ZNF516: variants seen among roughly 807,000 people sequenced by gnomAD.
ZNF516 encodes the protein zinc finger protein 516.
In ZNF516, 19 loss-of-function variants were observed where a neutral mutation model predicts 79.7. The ratio of observed to expected loss-of-function variants is 0.24; its 90% CI spans 0.17 to 0.35. The LOEUF (loss-of-function observed/expected upper bound fraction) is 0.35. Among genes scored for constraint, ZNF516 ranks in the 10% least tolerant of loss-of-function variants. The probability of loss-of-function intolerance (pLI) is 1.00; values close to 1 mark genes in which losing one functional copy is unlikely to be tolerated. For missense variants in ZNF516, 1,678 were observed against 1,679.5 expected (o/e 1.00, Z 0.02); for synonymous variants, 877 against 739.5 (o/e 1.19, Z -3.02).
At chr18:76,465,228 G>A (rs1913387041) in intron 1 of ZNF516, among the ~76,000 whole-genome samples, 1 of 152,236 alleles carries the variant, frequency 6.6e-6, no homozygotes, top group Admixed American at 6.5e-5. Context: ...CACAGGGGTT[G>A]AGACCAAGGT....
intron 3 of ZNF516, among the ~76,000 whole-genome samples, chr18:76,400,011 C>G (rs670560): frequency 1 from 151,661 of 152,328 alleles, 75,502 homozygotes; most frequent in Middle Eastern, 1. Flanking sequence ...GATGAGCAGA[C>G]CATCACCGCA....
At chr18:76,405,897 A>G (rs2075298260) in intron 3 of ZNF516, among the ~76,000 whole-genome samples, 1 of 151,788 alleles carries the variant, frequency 6.6e-6, no homozygotes, top group Non-Finnish European at 1.5e-5. Context: ...GTCCATGCCA[A>G]CCCCATCCGT....
chr18:76,456,841 A>G (rs1241925385), intron 2 of ZNF516, among the ~76,000 whole-genome samples: 4 of 152,236 alleles, frequency 2.6e-5, no homozygotes, highest in African/African-American at 9.6e-5. Context: ...ATGCAAACAT[A>G]TAATACTGCT....
chr18:76,450,353 C>A lies in ZNF516; in HGVS notation c.-157-7142G>T, dbSNP rs536830172. ...TATCTGCCCCTCCCCCTCCCCCACT[C>A]CCCACCCTCCCCAGGCCCCACAGAA... On this transcript the variant is annotated intron_variant, in intron 2 of 6. Coordinates refer to ENST00000443185, the MANE Select transcript of ZNF516 (RefSeq NM_014643.4). Among the ~76,000 whole-genome samples the A allele has an allele frequency of 3.5e-3, 491 of 141,776 alleles. 2 individuals carry two copies. Among genetic ancestry groups the A allele is most frequent in the Non-Finnish European group, 5.7e-3 (369 of 64,532 alleles). 93.0% of individuals were successfully genotyped at this position (141,776 alleles called of 152,430 possible). A position where few individuals can be genotyped will look rare whatever the true frequency, so the allele number is the denominator to read the frequency against.
intron 3 of ZNF516, chr18:76,389,291 A>AG (rs2075036668): frequency 6.6e-6 from 1 of 152,158 alleles, no homozygotes; most frequent in African/African-American, 2.4e-5. Flanking sequence ...CAAAAAAAAA[A>AG]AAAAAATCTC....
rs1913515273 is a variant in ZNF516, at chr18:76,467,010, G to C, written c.-271-3869C>G. 6.6e-6 allele frequency among the ~76,000 whole-genome samples: 1 copy of C among 152,162 alleles called. No homozygotes were observed. The highest frequency in any genetic ancestry group is 6.5e-5 in the Admixed American group (1 of 15,282). Reference sequence around the variant, plus strand: ...GCAAAGGGCCCTGGGAGGCAGGGGGGCCCCAGAGAGGCAAAACCCAGGAGA... The same window carrying C: ...GCAAAGGGCCCTGGGAGGCAGGGGGCCCCCAGAGAGGCAAAACCCAGGAGA... On this transcript the variant is annotated intron_variant, in intron 1 of 6. Transcript: ENST00000443185. This position sits in a 1 kb window ranked among gnomAD's most constrained non-coding sequence, Gnocchi z 4.2.
chr18:76,484,866 T>C (rs1428563569), intron 1 of ZNF516, among the ~76,000 whole-genome samples: 3 of 152,236 alleles, frequency 2.0e-5, no homozygotes, highest in Non-Finnish European at 4.4e-5. Context: ...AGAAAATAAC[T>C]GATAAGCCAA....
intron 3 of ZNF516, among the ~76,000 whole-genome samples, chr18:76,421,979 T>G (rs2145381192): frequency 6.6e-6 from 1 of 152,346 alleles, no homozygotes; most frequent in East Asian, 1.9e-4. Flanking sequence ...TGTTTTTTGT[T>G]TTTAATCTTA....
At chr18:76,472,060 C>G (rs1329315576) in intron 1 of ZNF516, among the ~76,000 whole-genome samples, 1 of 152,200 alleles carries the variant, frequency 6.6e-6, no homozygotes, top group African/African-American at 2.4e-5. Flanking sequence ...TTCTCAGTCA[C>G]AAATCTAGCC....
In ZNF516 at chr18:76,403,322, C is replaced by T. The variant is rs117984246; in HGVS notation, c.1811-23019G>A. ...CATACACATGCAGTCAGATGAGAAGCCACACACACAGGCACGCTGCAACGC... is the reference window on the plus strand; with the variant it reads ...CATACACATGCAGTCAGATGAGAAGTCACACACACAGGCACGCTGCAACGC... On this transcript the variant is annotated intron_variant, in intron 3 of 6. Coordinates refer to ENST00000443185, the MANE Select transcript of ZNF516 (RefSeq NM_014643.4). 1.9e-3 allele frequency among the ~76,000 whole-genome samples: 290 copies of T among 152,290 alleles called. 2 individuals are homozygous for T. The highest frequency in any genetic ancestry group is 3.1e-3 in the Non-Finnish European group (210 of 68,030).
At chr18:76,476,814 A>G (rs984601299) in intron 1 of ZNF516, among the ~76,000 whole-genome samples, 4 of 152,208 alleles carry the variant, frequency 2.6e-5, no homozygotes, top group Non-Finnish European at 4.4e-5. Context: ...TAAATTTCAC[A>G]TGACTGGATA....
At chr18:76,458,667 A>G (rs1912887507) in intron 2 of ZNF516, among the ~76,000 whole-genome samples, 1 of 137,040 alleles carries the variant, frequency 7.3e-6, no homozygotes, top group African/African-American at 2.8e-5. Flanking sequence ...TGCGTGCCTC[A>G]CCGTCGTGTG....
At chr18:76,485,916 A>AAATAATAATAATAATAATAAT (rs147558930) in intron 1 of ZNF516, among the ~76,000 whole-genome samples, 90 of 148,482 alleles carry the variant, frequency 6.1e-4, no homozygotes, top group East Asian at 5.9e-4. Context: ...TTTTTGACAA[A>AAATAATAATAATAATAATAAT]AATAATAATA....
chr18:76,395,554 C>T (rs1285121899), intron 3 of ZNF516, among the ~76,000 whole-genome samples: 3 of 152,146 alleles, frequency 2.0e-5, no homozygotes, highest in Non-Finnish European at 4.4e-5. Flanking sequence ...TAAGCACAGG[C>T]AGCCTCAGGG....
rs1039519313 is a variant in ZNF516, at chr18:76,493,068, G to A, written c.-272+2076C>T. ...AGCAGAGCCGTCACTCACGCCCAGGGGGCAGGGAGACTTCGCAAAGCTGTT... is the reference window on the plus strand; with the variant it reads ...AGCAGAGCCGTCACTCACGCCCAGGAGGCAGGGAGACTTCGCAAAGCTGTT... On this transcript the variant is annotated intron_variant, in intron 1 of 6. Coordinates refer to ENST00000443185, the MANE Select transcript of ZNF516 (RefSeq NM_014643.4). The surrounding 1 kb of genome is among the most constrained non-coding windows in gnomAD (Gnocchi z 5.2). 6.6e-5 allele frequency: 65 copies of A among 985,128 alleles called. No individual in the cohort carries two copies. The highest frequency in any genetic ancestry group is 6.9e-5 in the Non-Finnish European group (57 of 829,898). 61.0% of individuals were successfully genotyped at this position (985,128 alleles called of 1,614,324 possible).
chr18:76,492,110 G>C (rs760834153), intron 1 of ZNF516: 1 of 957,516 alleles, frequency 1.0e-6, no homozygotes, highest in African/African-American at 1.8e-5. Flanking sequence ...AGGGGTCTCC[G>C]GGGAGGTAGT....
rs2074538602 is a variant in ZNF516 at position 76,361,625 on chromosome 18, A to G, written c.*873T>C. 1 of 152,262 alleles carries G rather than the reference A, an allele frequency of 6.6e-6. No homozygotes were observed. Among genetic ancestry groups the G allele is most frequent in the Non-Finnish European group, 1.5e-5 (1 of 68,058 alleles). The allele number at this position is 152,262 out of a possible 1,614,324, so 9.4% of individuals were successfully genotyped here. ...AAACAGGTCCGAATCGGGAGGACTC[A>G]GTGGCTAAATAATTTGTTAAGACGT... On this transcript the variant is annotated 3_prime_UTR_variant, in exon 7 of 7. Transcript: ENST00000443185.
intron 3 of ZNF516, among the ~76,000 whole-genome samples, chr18:76,440,736 GTGTGTT>G (rs778015864): frequency 0.042 from 2,901 of 69,138 alleles, 39 homozygotes; most frequent in East Asian, 0.1. Flanking sequence ...GTGTGTGTGT[GTGTGTT>G]TGTGTGTGTG....
intron 1 of ZNF516, chr18:76,491,212 C>A (rs1351621644): frequency 1.5e-6 from 1 of 676,660 alleles, no homozygotes; most frequent in Non-Finnish European, 1.8e-6. Context: ...CCGCGCGGAC[C>A]CCCGCCTGCC....
Sources: gnomAD v4.1 joint callset for allele counts (sites outside exome capture counted in the v4.1 genomes callset) on GRCh38, gnomAD v4.1.1 for gene constraint, Gnocchi (gnomAD v3.1) non-coding constraint, MANE v1.5 for transcripts, NCBI Gene and HGNC (gene_info 2026-07-23, HGNC 2026-07-21) for gene names.